The following LRSAM1 variants were observed in gnomAD, a reference collection of about 807,000 sequenced individuals.
LRSAM1 encodes leucine rich repeat and sterile alpha motif containing 1.
A neutral mutation model predicts 118.1 loss-of-function variants in LRSAM1; 96 were observed. The ratio of observed to expected loss-of-function variants is 0.81; its 90% CI spans 0.69 to 0.96. LRSAM1 has a LOEUF of 0.96. Ranked by LOEUF, LRSAM1 falls within the 40% of genes least tolerant of loss-of-function variation. The pLI is 0.00. For synonymous variants in LRSAM1, 322 were observed against 364.2 expected, an observed-to-expected ratio of 0.88 and a Z score of 1.32; for missense variants, 804 against 915.5, an observed-to-expected ratio of 0.88 and a Z score of 1.57.
chr9:127,481,255 A>AT lies in LRSAM1; in HGVS notation c.1088+44dup, dbSNP rs371152397. ...AAGTGTTCTTCCAGGGGAGGGCAGC[A>AT]TTTTTTTTTTTTTTTTGAGACGGAG... On this transcript the variant is annotated intron_variant, in intron 15 of 25. Transcript: ENST00000300417. 101,292 of 1,437,736 alleles carry AT rather than the reference A, an allele frequency of 0.07. 387 individuals carry two copies. The highest frequency in any genetic ancestry group is 0.16 in the African/African-American group (10,652 of 68,218). 89.1% of individuals were successfully genotyped at this position (1,437,736 alleles called of 1,614,324 possible).
chr9:127,466,312 A>G (rs1834918912), intron 9 of LRSAM1, among the ~76,000 whole-genome samples: 1 of 151,854 alleles, frequency 6.6e-6, no homozygotes, highest in African/African-American at 2.4e-5. Context: ...GTCTCAAAAA[A>G]TAGTAATAAT....
At chr9:127,492,072 G>A (rs1835954029) in intron 20 of LRSAM1, among the ~76,000 whole-genome samples, 1 of 152,234 alleles carries the variant, frequency 6.6e-6, no homozygotes, top group African/African-American at 2.4e-5. Context: ...GTGCAGTGAA[G>A]GGTCTGGGAT....
chr9:127,488,880 C>T (rs775895004), intron 18 of LRSAM1, among the ~76,000 whole-genome samples: 4 of 152,108 alleles, frequency 2.6e-5, no homozygotes, highest in South Asian at 2.1e-4. Flanking sequence ...CATGAGCCAC[C>T]GGCCTGTTCA....
intron 3 of LRSAM1, 99 bp downstream of exon 3, chr9:127,454,698 A>G (rs1024229804): frequency 1.7e-5 from 21 of 1,241,550 alleles, no homozygotes; most frequent in South Asian, 2.5e-5. Context: ...GCTCCTTCCC[A>G]TCTGCCTCCC....
rs376566243 is a variant in LRSAM1, at chr9:127,479,848, C to T, written c.913C>T (p.Arg305Trp). The change falls in exon 14 of 26, where the codon CGG becomes TGG. Residue 305 changes from arginine (R) to tryptophan (W), a missense_variant. Coordinates refer to ENST00000300417, the MANE Select transcript of LRSAM1 (RefSeq NM_001005373.4). ...ILQTVKEEQS[R>W]LEQGLSEHQR... ...CTACCTCCGGCTGCAGGAGCAGTCC[C>T]GGCTGGAGCAGGGCCTGAGTGAGCA... 38 of 1,612,598 alleles carry T rather than the reference C, an allele frequency of 2.4e-5. No individual in the cohort carries two copies. The highest frequency in any genetic ancestry group is 5.0e-5 in the Admixed American group (3 of 59,964).
intron 24 of LRSAM1, among the ~76,000 whole-genome samples, chr9:127,497,680 G>A (rs2132117654): frequency 6.6e-6 from 1 of 152,324 alleles, no homozygotes; most frequent in African/African-American, 2.4e-5. Context: ...CGTCCCCAGG[G>A]CCTGCAGTAT....
chr9:127,482,865 T>G, intron 15 of LRSAM1, 85 bp from the exon 16 acceptor site: 22 of 1,341,294 alleles, frequency 1.6e-5, no homozygotes, highest in Non-Finnish European at 2.2e-5. Context: ...CAAGGAGGCC[T>G]TCCTGGAGGA....
chr9:127,491,624 C>T lies in LRSAM1; in HGVS notation c.1503+329C>T, dbSNP rs1299577558. Among the ~76,000 whole-genome samples the T allele has an allele frequency of 2.0e-5, 3 of 152,272 alleles. No individual in the cohort carries two copies. In the East Asian group the frequency reaches 5.8e-4, roughly 29 times the overall value. ...CCCGCCGCTGAGCTCCTGTCTCTCT[C>T]TGTAGGCCGTGCTTTAGGCCCCCAG... On this transcript the variant is annotated intron_variant, in intron 20 of 25. Transcript: ENST00000300417.
chr9:127,499,266 C>T (rs1196328107), intron 24 of LRSAM1, among the ~76,000 whole-genome samples: 3 of 151,850 alleles, frequency 2.0e-5, no homozygotes, highest in Non-Finnish European at 4.4e-5. Flanking sequence ...TCCAGCTACT[C>T]GGGGGGCAAA....
rs10607015 is a variant in LRSAM1, at chr9:127,472,297, G to GTA, written c.620-1488_620-1487dup. Among the ~76,000 whole-genome samples the GTA allele has an allele frequency of 5.4e-3, 650 of 119,576 alleles. 5 individuals carry two copies. Among genetic ancestry groups the GTA allele is most frequent in the East Asian group, 0.045 (222 of 4,946 alleles). The allele number at this position is 119,576 out of a possible 152,430, so 78.4% of individuals were successfully genotyped here. ...TTCAATTTACCTAAACTATGTAGAA[G>GTA]TATATATATATATATATGTGTGTGT... On this transcript the variant is annotated intron_variant, in intron 10 of 25. Coordinates refer to ENST00000300417, the MANE Select transcript of LRSAM1 (RefSeq NM_001005373.4).
chr9:127,496,038 GCAC>G lies in LRSAM1; in HGVS notation c.1778_1780del (p.His593del). ...CTGAGCACTACCTGCCCATCTTTGC[GCAC>G]CACCGCCTCTCACTGGACCTGCTGA... is the stretch of plus-strand genomic sequence containing the variant. On this transcript the variant is annotated inframe_deletion, in exon 23 of 26. Coordinates refer to ENST00000300417, the MANE Select transcript of LRSAM1 (RefSeq NM_001005373.4). The G allele has an allele frequency of 2.5e-6, 4 of 1,612,314 alleles. 1 individual carries two copies. The South Asian group carries it at 4.4e-5, about 18-fold the overall frequency.
intron 14 of LRSAM1, 129 bp from the exon 15 acceptor site, chr9:127,481,054 C>T (rs1416086965): frequency 2.2e-6 from 2 of 908,730 alleles, no homozygotes; most frequent in Admixed American, 2.2e-5. Context: ...GCTAAGAACC[C>T]AGAGCTTCAA....
In LRSAM1 at chr9:127,451,546, C is replaced by T; in HGVS notation, c.-312C>T. 1.7e-6 allele frequency: 1 copy of T among 583,514 alleles called. No homozygotes were observed. The highest frequency in any genetic ancestry group is 3.1e-6 in the Non-Finnish European group (1 of 326,296). The allele number at this position is 583,514 out of a possible 1,614,324, so 36.1% of individuals were successfully genotyped here. ...GCGCCTGAGGCTGACGGCTGGCAAG[C>T]AGGGCACCGCGGTGCGCTGAAGCTA... On this transcript the variant is annotated 5_prime_UTR_variant, in exon 1 of 26. Transcript: ENST00000300417.
chr9:127,503,098 C>T lies in LRSAM1; in HGVS notation c.*199C>T, dbSNP rs528454544. The T allele has an allele frequency of 3.2e-5, 22 of 690,550 alleles. No individual in the cohort carries two copies. The highest frequency in any genetic ancestry group is 5.4e-5 in the Non-Finnish European group (22 of 411,150). The allele number at this position is 690,550 out of a possible 1,614,324, so 42.8% of individuals were successfully genotyped here. A position where few individuals can be genotyped will look rare whatever the true frequency, so the allele number is the denominator to read the frequency against. On this transcript the variant is annotated 3_prime_UTR_variant, in exon 26 of 26. Transcript: ENST00000300417. ...GAGGTGCTCCTCATCCATGACACCACCAGTCTGAATGGTCCTGGGGGCTGG... is the reference window on the plus strand; with the variant it reads ...GAGGTGCTCCTCATCCATGACACCATCAGTCTGAATGGTCCTGGGGGCTGG...
rs750477515 is a variant in LRSAM1 at position 127,495,400 on chromosome 9, C to T, written c.1680C>T (p.Pro560=). Residue 560 remains proline, a synonymous_variant, in exon 22 of 26, where the codon CCC becomes CCT. Coordinates refer to ENST00000300417, the MANE Select transcript of LRSAM1 (RefSeq NM_001005373.4). The part of the protein sequence containing the change: ...IQYQRLLNQK[P]LSLKLQEEGM... ...ATCAACGGCTTTTGAACCAGAAGCC[C>T]TTGTCCTTGAAGCTGCAAGTAAGGA... is the stretch of plus-strand genomic sequence containing the variant. The T allele has an allele frequency of 6.2e-7, 1 of 1,613,910 alleles. No individual in the cohort carries two copies. Among genetic ancestry groups the T allele is most frequent in the Non-Finnish European group, 8.5e-7 (1 of 1,179,992 alleles).
In LRSAM1 at chr9:127,458,600, A is replaced by AAATT. The variant is rs1554753935; in HGVS notation, c.253-401_253-400insTTAA. On this transcript the variant is annotated intron_variant, in intron 6 of 25. Transcript: ENST00000300417. ...GTCTCAAAATAAAACAAAATAAAAT[A>AAATT]AAATTAAATTAAAAATTAGCAAGTA... is the stretch of plus-strand genomic sequence containing the variant. Among the ~76,000 whole-genome samples the AAATT allele has an allele frequency of 4.6e-3, 706 of 151,954 alleles. 2 individuals carry two copies. Among genetic ancestry groups the AAATT allele is most frequent in the Non-Finnish European group, 7.7e-3 (520 of 67,930 alleles).
At chr9:127,474,973 A>G (rs1371612215) in intron 11 of LRSAM1, among the ~76,000 whole-genome samples, 1 of 151,900 alleles carries the variant, frequency 6.6e-6, no homozygotes, top group Non-Finnish European at 1.5e-5. Context: ...CATATCTTCC[A>G]CTGACTCTTA....
chr9:127,467,785 G>A lies in LRSAM1; in HGVS notation c.574G>A (p.Val192Met). The A allele has an allele frequency of 6.2e-7, 1 of 1,610,456 alleles. No individual in the cohort carries two copies. The highest frequency in any genetic ancestry group is 8.5e-7 in the Non-Finnish European group (1 of 1,179,256). ...GGCCATGGTCTACCCGCCGCGGGAGGTGTGTGGTGCCGGCACTGCGGCCAT... is the reference window on the plus strand; with the variant it reads ...GGCCATGGTCTACCCGCCGCGGGAGATGTGTGGTGCCGGCACTGCGGCCAT... ...ASAMVYPPRE[V>M]CGAGTAAILQ... The change falls in exon 10 of 26, where the codon GTG becomes ATG. Residue 192 changes from valine to methionine, a missense_variant. By Grantham distance (21) the Val-to-Met change is conservative. Transcript: ENST00000300417.
chr9:127,460,178 T>G (rs1208421198), intron 7 of LRSAM1, among the ~76,000 whole-genome samples: 1 of 152,052 alleles, frequency 6.6e-6, no homozygotes, highest in East Asian at 1.9e-4. Context: ...TTTTTATATT[T>G]TAGTAGAGAC....
Sources: gnomAD v4.1 joint callset for allele counts (sites outside exome capture counted in the v4.1 genomes callset) on GRCh38, gnomAD v4.1.1 for gene constraint, MANE v1.5 for transcripts, NCBI Gene and HGNC (gene_info 2026-07-23, HGNC 2026-07-21) for gene names.